The following ACHE variants were observed in gnomAD, a reference collection of about 807,000 sequenced individuals.
ACHE encodes acetylcholinesterase.
ACHE carries 19 observed loss-of-function variants against 53.9 expected under a neutral mutation model. The observed-to-expected ratio is 0.35, with a 90% confidence interval of 0.25 to 0.52. The LOEUF is 0.52. Ranked by LOEUF, ACHE falls within the 20% of genes least tolerant of loss-of-function variation. The pLI is 0.95. For synonymous variants in ACHE, 392 were observed against 378.1 expected (o/e 1.04, Z -0.43); for missense variants, 605 against 849.4 (o/e 0.71, Z 3.58).
intron 3 of ACHE, 46 bp from the exon 4 acceptor site, chr7:100,891,384 G>A: frequency 6.7e-7 from 1 of 1,485,144 alleles, no homozygotes; most frequent in Non-Finnish European, 8.9e-7. Context: ...AGTGGGAGGA[G>A]GTGGCCCCCA....
chr7:100,892,488 T>A lies in ACHE; in HGVS notation c.1399A>T (p.Thr467Ser). ...CCCATCCACAGGGGCCAGGAGAGCG[T>A]GGAAGCACGGTGTTCAAAGACGTAG... ...YAYVFEHRAS[T>S]LSWPLWMGVP... Residue 467 changes from threonine to serine, a missense_variant, in exon 3 of 5, where the codon ACG (threonine) becomes TCG (serine). This residue lies in a region of ACHE where 397 missense variants were observed against 632.5 expected (regional missense o/e 0.63). Transcript: ENST00000241069. The surrounding 1 kb of genome is among the most constrained non-coding windows in gnomAD (Gnocchi z 5.2). 7 of 1,588,446 alleles carry A rather than the reference T, an allele frequency of 4.4e-6. No individual in the cohort carries two copies. Among genetic ancestry groups the A allele is most frequent in the Non-Finnish European group, 6.0e-6 (7 of 1,161,006 alleles).
Position 100,892,290 on chromosome 7 carries a change from C to A in ACHE, c.1553+44G>T. The A allele has an allele frequency of 2.0e-6, 3 of 1,476,102 alleles. No individual in the cohort carries two copies. The highest frequency in any genetic ancestry group is 2.7e-6 in the Non-Finnish European group (3 of 1,109,316). 91.4% of individuals were successfully genotyped at this position (1,476,102 alleles called of 1,614,324 possible). ...CTGCCTTTGTGTGTCCTCCCGCCCC[C>A]GACTCCTGTCCTCCCCAGCCTTCTC... On this transcript the variant is annotated intron_variant, in intron 3 of 4. Transcript: ENST00000241069. This position sits in a 1 kb window ranked among gnomAD's most constrained non-coding sequence, Gnocchi z 5.2.
In ACHE at chr7:100,890,554, G is replaced by C. The variant is rs1790607656; in HGVS notation, c.1724-219C>G. 6 of 1,400,738 alleles carry C rather than the reference G, an allele frequency of 4.3e-6. No individual in the cohort carries two copies. The East Asian group carries it at 1.6e-4, about 37-fold the overall frequency. 86.8% of individuals were successfully genotyped at this position (1,400,738 alleles called of 1,614,324 possible). ...CGGGGCCGGAGAAGGACAGCAGGAA[G>C]GAGAGAGGAGGAGAAAAGAATGACC... On this transcript the variant is annotated intron_variant, in intron 4 of 4. Coordinates refer to ENST00000241069, the MANE Select transcript of ACHE (RefSeq NM_000665.5).
chr7:100,891,054 G>T, intron 4 of ACHE, 115 bp downstream of exon 4: 1 of 1,488,288 alleles, frequency 6.7e-7, no homozygotes, highest in East Asian at 2.5e-5. Context: ...CCTCCCCATG[G>T]GTGAAGCCTG....
chr7:100,890,368 G>C (rs1330515245), intron 4 of ACHE, 33 bp from the exon 5 acceptor site: 1 of 1,593,674 alleles, frequency 6.3e-7, no homozygotes, highest in Admixed American at 1.8e-5. Flanking sequence ...GGCGGGAGGG[G>C]AGGACGGCAC....
chr7:100,892,190 C>G lies in ACHE; in HGVS notation c.1553+144G>C, dbSNP rs1456107950. 4.7e-6 allele frequency: 5 copies of G among 1,056,706 alleles called. No individual in the cohort carries two copies. The East Asian group carries it at 1.5e-4, about 32-fold the overall frequency. 65.5% of individuals were successfully genotyped at this position (1,056,706 alleles called of 1,614,324 possible). A position where few individuals can be genotyped will look rare whatever the true frequency, so the allele number is the denominator to read the frequency against. On this transcript the variant is annotated intron_variant, in intron 3 of 4. Coordinates refer to ENST00000241069, the MANE Select transcript of ACHE (RefSeq NM_000665.5). This position sits in a 1 kb window ranked among gnomAD's most constrained non-coding sequence, Gnocchi z 5.2. ...CCTTTCTTTTTCTCTCCCCTTTTAT[C>G]TACTTTGTGAGCATATCCCTCTCTG...
chr7:100,890,833 T>G (rs1252018713), intron 4 of ACHE: 1 of 1,419,086 alleles, frequency 7.0e-7, no homozygotes, highest in Non-Finnish European at 9.2e-7. Context: ...CCCTGTCCAG[T>G]GTGAGTCTCT....
Position 100,890,284 on chromosome 7 carries a change from C to T in ACHE, c.1775G>A (p.Ser592Asn). The T allele has an allele frequency of 1.9e-6, 3 of 1,611,250 alleles. No individual in the cohort carries two copies. The highest frequency in any genetic ancestry group is 2.5e-6 in the Non-Finnish European group (3 of 1,178,752). ...GTTCTTCCAGTGCACCATGTAGGAGCTCCAGCGGTGGAACTCGGCCTTCCA... is the reference window on the plus strand; with the variant it reads ...GTTCTTCCAGTGCACCATGTAGGAGTTCCAGCGGTGGAACTCGGCCTTCCA... ...RQWKAEFHRW[S>N]SYMVHWKNQF... Residue 592 changes from serine (S) to asparagine (N), a missense_variant, in exon 5 of 5, where the codon AGC (serine) becomes AAC (asparagine). Transcript: ENST00000241069.
rs548795899 is a variant in ACHE at position 100,894,753 on chromosome 7, C to G, written c.-20-501G>C. Among the ~76,000 whole-genome samples, 664 of 152,188 alleles carry G rather than the reference C, an allele frequency of 4.4e-3. 3 individuals are homozygous for G. Among genetic ancestry groups the G allele is most frequent in the African/African-American group, 0.015 (639 of 41,536 alleles). ...CATTCAGGGTGTGGAAGCCTCAGGTCCCGGGGTCCCCCAAATCCTGCCTAG... is the reference window on the plus strand; with the variant it reads ...CATTCAGGGTGTGGAAGCCTCAGGTGCCGGGGTCCCCCAAATCCTGCCTAG... On this transcript the variant is annotated intron_variant, in intron 1 of 4. Transcript: ENST00000241069.
rs1270485409 is a variant in ACHE, at chr7:100,890,667, G to C, written c.1724-332C>G. The C allele has an allele frequency of 3.0e-6, 4 of 1,335,376 alleles. No individual in the cohort carries two copies. In the Admixed American group the frequency reaches 1.4e-4, roughly 47 times the overall value. The allele number at this position is 1,335,376 out of a possible 1,614,324, so 82.7% of individuals were successfully genotyped here. A position where few individuals can be genotyped will look rare whatever the true frequency, so the allele number is the denominator to read the frequency against. Reference sequence around the variant, plus strand: ...TTGACCGTTATAGCCCCAATGGGGGGTGCTACCCCGTCCGGGGCCTCCCAC... The same window carrying C: ...TTGACCGTTATAGCCCCAATGGGGGCTGCTACCCCGTCCGGGGCCTCCCAC... On this transcript the variant is annotated intron_variant, in intron 4 of 4. Transcript: ENST00000241069.
rs546387821 is a variant in ACHE, at chr7:100,890,927, G to A, written c.1723+242C>T. 6.4e-5 allele frequency: 94 copies of A among 1,473,080 alleles called. No individual in the cohort carries two copies. In the African/African-American group the frequency reaches 1.1e-3, roughly 17 times the overall value. The allele number at this position is 1,473,080 out of a possible 1,614,324, so 91.3% of individuals were successfully genotyped here. On this transcript the variant is annotated intron_variant, in intron 4 of 4. Coordinates refer to ENST00000241069, the MANE Select transcript of ACHE (RefSeq NM_000665.5). ...GGTCCGACCACTCATTAGAGGAGGG[G>A]CCCCTGTGGCCGTAGGGGAAGAGGC...
At chr7:100,891,801 TTTTTC>T in intron 3 of ACHE, among the ~76,000 whole-genome samples, 1 of 148,116 alleles carries the variant, frequency 6.8e-6, no homozygotes, top group African/African-American at 2.5e-5. Flanking sequence ...TTTTTTTTTT[TTTTTC>T]CAGAGATAGG....
At position 100,893,439 on chromosome 7, in the gene ACHE, C is replaced by T. The variant is rs867229033; in HGVS notation, c.794G>A (p.Gly265Glu). 1 of 1,608,774 alleles carries T rather than the reference C, an allele frequency of 6.2e-7. No homozygotes were observed. The highest frequency in any genetic ancestry group is 8.5e-7 in the Non-Finnish European group (1 of 1,179,298). Residue 265 changes from glycine to glutamate, a missense_variant, in exon 2 of 5, where the codon GGA becomes GAA. Gly to Glu is a moderately conservative substitution (Grantham distance 98). This residue lies in a region of ACHE where 397 missense variants were observed against 632.5 expected (regional missense o/e 0.63). Coordinates refer to ENST00000241069, the MANE Select transcript of ACHE (RefSeq NM_000665.5). ...RAVLQSGAPN[G>E]PWATVGMGEA... ...TCCCATGCCCACCGTGGCCCAGGGT[C>T]CATTGGGGGCACCGCTCTGCAGCAC... is the stretch of plus-strand genomic sequence containing the variant.
chr7:100,890,392 G>T (rs780349145), intron 4 of ACHE, 57 bp from the exon 5 acceptor site: 558 of 1,573,370 alleles, frequency 3.5e-4, no homozygotes, highest in Non-Finnish European at 4.5e-4. Context: ...GAAGGTCGGG[G>T]ATCGGACATT....
intron 3 of ACHE, 69 bp from the exon 4 acceptor site, chr7:100,891,407 C>T (rs1790689714): frequency 6.9e-7 from 1 of 1,450,646 alleles, no homozygotes; most frequent in Non-Finnish European, 9.1e-7. Context: ...TCCACGGGAT[C>T]CCGGACTCTT....
chr7:100,893,833 T>C lies in ACHE; in HGVS notation c.400A>G (p.Thr134Ala). 1 of 1,612,166 alleles carries C rather than the reference T, an allele frequency of 6.2e-7. No individual in the cohort carries two copies. The highest frequency in any genetic ancestry group is 8.5e-7 in the Non-Finnish European group (1 of 1,179,232). The change falls in exon 2 of 5, where the codon ACA (threonine) becomes GCA (alanine). Residue 134 changes from threonine to alanine, a missense_variant. Thr to Ala is a moderately conservative substitution (Grantham distance 58). This residue lies in a region of ACHE where 397 missense variants were observed against 632.5 expected (regional missense o/e 0.63). Transcript: ENST00000241069. ...GGGGATGTAGGCCGGGGGTATGGTG[T>C]CCACACGTTGAGGTACAGGCAGTCC... Reference protein sequence around the residue: ...SEDCLYLNVWTPYPRPTSPTP... With the variant: ...SEDCLYLNVWAPYPRPTSPTP...
At chr7:100,896,655 G>A (rs1170276249), upstream of ACHE, 1 of 304,600 alleles carries the variant, frequency 3.3e-6, no homozygotes, top group East Asian at 1.4e-4. Flanking sequence ...GTGGGTCTGT[G>A]CTGGTTCCCT....
rs1790771696 is a variant in ACHE, at chr7:100,892,673, G to A, written c.1214C>T (p.Ala405Val). ...GTAATGCAGGACCACAGCCTCGGCT[G>A]CCAGGTCACTTACCTGGGGAACCCC... ...RVGVPQVSDL[A>V]AEAVVLHYTD... The change falls in exon 3 of 5, where the codon GCA becomes GTA. Residue 405 changes from alanine to valine, a missense_variant. Coordinates refer to ENST00000241069, the MANE Select transcript of ACHE (RefSeq NM_000665.5). This position sits in a 1 kb window ranked among gnomAD's most constrained non-coding sequence, Gnocchi z 5.2. The A allele has an allele frequency of 1.2e-6, 2 of 1,613,454 alleles. No homozygotes were observed. Among genetic ancestry groups the A allele is most frequent in the South Asian group, 1.1e-5 (1 of 91,068 alleles).
Position 100,892,476 on chromosome 7 carries a change from G to A in ACHE, c.1411C>T (p.Pro471Ser). ...CCGTGGGGCACCCCCATCCACAGGG[G>A]CCAGGAGAGCGTGGAAGCACGGTGT... Reference protein sequence around the residue: ...FEHRASTLSWPLWMGVPHGYE... With the variant: ...FEHRASTLSWSLWMGVPHGYE... Residue 471 changes from proline to serine, a missense_variant, in exon 3 of 5, where the codon CCC becomes TCC. Transcript: ENST00000241069. This position sits in a 1 kb window ranked among gnomAD's most constrained non-coding sequence, Gnocchi z 5.2. 7 of 1,582,792 alleles carry A rather than the reference G, an allele frequency of 4.4e-6. No homozygotes were observed. Among genetic ancestry groups the A allele is most frequent in the Non-Finnish European group, 6.0e-6 (7 of 1,158,002 alleles).
Sources: allele counts gnomAD v4.1 joint callset (sites outside exome capture counted in the v4.1 genomes callset), GRCh38; gene constraint gnomAD v4.1.1; regional missense constraint gnomAD v4.1.1; non-coding constraint Gnocchi (gnomAD v3.1); transcripts MANE v1.5; gene names NCBI Gene and HGNC (gene_info 2026-07-23, HGNC 2026-07-21).